Variants in CALN1 observed in about 807,000 individuals in gnomAD.
CALN1 encodes calcium-binding protein 8.
CALN1 carries 17 observed loss-of-function variants against 30.6 expected under a neutral mutation model. The ratio of observed to expected loss-of-function variants is 0.56; its 90% CI spans 0.38 to 0.83. The LOEUF (loss-of-function observed/expected upper bound fraction) is 0.83. Ranked by LOEUF, CALN1 falls within the 40% of genes least tolerant of loss-of-function variation. The pLI, the probability that CALN1 is intolerant of heterozygous loss-of-function variation, is 0.00. For synonymous variants in CALN1, 156 were observed against 131.4 expected (o/e 1.19, Z -1.28); for missense variants, 291 against 354.9 (o/e 0.82, Z 1.45).
intron 3 of CALN1, among the ~76,000 whole-genome samples, chr7:72,190,204 A>T (rs1429729320): frequency 6.6e-6 from 1 of 152,108 alleles, no homozygotes; most frequent in Non-Finnish European, 1.5e-5. Context: ...AAAAACATAC[A>T]AATTAGCTGG....
At chr7:72,186,713 G>A (rs553566482) in intron 3 of CALN1, among the ~76,000 whole-genome samples, 4 of 152,210 alleles carry the variant, frequency 2.6e-5, no homozygotes, top group South Asian at 2.1e-4. Flanking sequence ...GCCTCCAGGT[G>A]CATTTGTGTG....
At chr7:71,829,754 A>G (rs1006440272) in intron 5 of CALN1, among the ~76,000 whole-genome samples, 2 of 152,216 alleles carry the variant, frequency 1.3e-5, no homozygotes, top group African/African-American at 4.8e-5. Context: ...AGCTGTTTGC[A>G]GTCTGCACTG....
At chr7:71,792,367 G>A (rs1331712176) in intron 6 of CALN1, among the ~76,000 whole-genome samples, 1 of 151,972 alleles carries the variant, frequency 6.6e-6, no homozygotes, top group Non-Finnish European at 1.5e-5. Context: ...TGGTCTCTTA[G>A]GTCTCATCTC....
At chr7:71,928,458 A>G (rs1462565165) in intron 5 of CALN1, among the ~76,000 whole-genome samples, 1 of 151,898 alleles carries the variant, frequency 6.6e-6, no homozygotes. Flanking sequence ...CAAAAAAAAA[A>G]AAAAAAGGTC....
intron 5 of CALN1, among the ~76,000 whole-genome samples, chr7:71,977,086 T>G (rs573575284): frequency 5.9e-5 from 9 of 152,316 alleles, no homozygotes; most frequent in Admixed American, 5.9e-4. Context: ...ACTTTCCATA[T>G]AAAGCTTTTC....
At chr7:71,867,623 C>T (rs148243750) in intron 5 of CALN1, among the ~76,000 whole-genome samples, 2,407 of 152,098 alleles carry the variant, frequency 0.016, 34 homozygotes, top group Non-Finnish European at 0.027. Flanking sequence ...TTAGTAGAGA[C>T]GAGGTTTCAC....
chr7:71,997,528 A>G (rs1309522067), intron 5 of CALN1, among the ~76,000 whole-genome samples: 2 of 152,182 alleles, frequency 1.3e-5, no homozygotes, highest in Non-Finnish European at 2.9e-5. Context: ...ATAGCCAAAA[A>G]TCTCCAAATT....
chr7:72,214,337 G>C (rs988103483), intron 3 of CALN1, among the ~76,000 whole-genome samples: 27 of 152,160 alleles, frequency 1.8e-4, no homozygotes, highest in African/African-American at 6.3e-4. Flanking sequence ...AGAATTAGCT[G>C]GGTGTGGTGG....
intron 2 of CALN1, among the ~76,000 whole-genome samples, chr7:72,291,019 G>T (rs1453810412): frequency 6.6e-6 from 1 of 151,650 alleles, no homozygotes; most frequent in Non-Finnish European, 1.5e-5. Flanking sequence ...TGCCTCCCGG[G>T]TTCAAGCAAT....
At chr7:72,405,725 A>G (rs911740297) in intron 1 of CALN1, among the ~76,000 whole-genome samples, 1 of 152,220 alleles carries the variant, frequency 6.6e-6, no homozygotes, top group Non-Finnish European at 1.5e-5. Context: ...CGCAAAAAAA[A>G]AAAATGACAT....
At chr7:72,029,016 C>G (rs1348701462) in intron 4 of CALN1, among the ~76,000 whole-genome samples, 2 of 152,136 alleles carry the variant, frequency 1.3e-5, no homozygotes, top group African/African-American at 4.8e-5. Context: ...GATAGACAGA[C>G]AGATATAGCT....
Position 72,290,470 on chromosome 7 carries a change from T to C in CALN1, c.120-11660A>G, listed in dbSNP as rs111528942. ...CAGTGGCAGCCTCAGTGGTAGCAAC[T>C]CTCCTGGAGAGTTGACTTTGAGTTA... On this transcript the variant is annotated intron_variant, in intron 2 of 6. Transcript: ENST00000395275. Among the ~76,000 whole-genome samples, 757 of 152,160 alleles carry C rather than the reference T, an allele frequency of 5.0e-3. 4 individuals carry two copies. The highest frequency in any genetic ancestry group is 0.017 in the African/African-American group (717 of 41,486).
At chr7:72,363,498 CAT>C (rs1803687884) in intron 2 of CALN1, among the ~76,000 whole-genome samples, 1 of 152,002 alleles carries the variant, frequency 6.6e-6, no homozygotes, top group African/African-American at 2.4e-5. Flanking sequence ...CTTGGCTGCC[CAT>C]AGTGTTGGGA....
chr7:71,955,166 G>C (rs1267762352), intron 5 of CALN1, among the ~76,000 whole-genome samples: 1 of 152,144 alleles, frequency 6.6e-6, no homozygotes, highest in East Asian at 1.9e-4. Flanking sequence ...GCAGGCAGGA[G>C]AGAGTGAGAA....
At chr7:72,134,526 A>C (rs548709776) in intron 3 of CALN1, among the ~76,000 whole-genome samples, 2 of 152,376 alleles carry the variant, frequency 1.3e-5, no homozygotes, top group African/African-American at 4.8e-5. Context: ...AGTTAAATTT[A>C]CATTATACTT....
intron 3 of CALN1, among the ~76,000 whole-genome samples, chr7:72,114,853 G>A (rs1807855120): frequency 1.3e-5 from 2 of 152,078 alleles, no homozygotes. Context: ...AATGTGCTGG[G>A]CGTAGTGGCA....
At chr7:72,401,683 AAAAATTCCAAATTCCC>A (rs1806351006) in intron 2 of CALN1, among the ~76,000 whole-genome samples, 1 of 152,204 alleles carries the variant, frequency 6.6e-6, no homozygotes, top group Non-Finnish European at 1.5e-5. Context: ...ACTCTTGCCA[AAAAATTCCAAATTCCC>A]AAAATTCAGG....
intron 5 of CALN1, among the ~76,000 whole-genome samples, chr7:71,953,627 T>C (rs1256924581): frequency 6.6e-6 from 1 of 152,128 alleles, no homozygotes; most frequent in Non-Finnish European, 1.5e-5. Context: ...TTTTGAGATG[T>C]GTGTAAAAGT....
intron 5 of CALN1, among the ~76,000 whole-genome samples, chr7:71,987,712 C>A (rs1390090554): frequency 6.6e-6 from 1 of 152,184 alleles, no homozygotes; most frequent in Non-Finnish European, 1.5e-5. Flanking sequence ...TGAGCAGAGG[C>A]GTGACCTTGA....
Sources: gnomAD v4.1 joint callset for allele counts (sites outside exome capture counted in the v4.1 genomes callset) on GRCh38, gnomAD v4.1.1 for gene constraint, MANE v1.5 for transcripts, NCBI Gene and HGNC (gene_info 2026-07-23, HGNC 2026-07-21) for gene names.